Variants in ARHGEF10L observed in about 807,000 individuals in gnomAD.
ARHGEF10L encodes Rho guanine nucleotide exchange factor 10 like.
Under a neutral mutation model 141.2 loss-of-function variants are expected in ARHGEF10L, and 69 were observed. The ratio of observed to expected loss-of-function variants is 0.49; its 90% CI spans 0.40 to 0.60. The LOEUF is 0.60. ARHGEF10L is among the 20% of genes least tolerant of loss of function. The pLI, the probability that ARHGEF10L is intolerant of heterozygous loss-of-function variation, is 0.00. For missense variants in ARHGEF10L, 1,482 were observed against 1,734.3 expected (o/e 0.85, Z 2.58); for synonymous variants, 711 against 718.5 (o/e 0.99, Z 0.17).
intron 4 of ARHGEF10L, among the ~76,000 whole-genome samples, chr1:17,600,173 G>A (rs1557786382): frequency 1.3e-5 from 2 of 152,228 alleles, no homozygotes; most frequent in Admixed American, 6.5e-5. Context: ...ATCCTGTGTG[G>A]TGCTGGGAAG....
At chr1:17,640,676 C>T (rs78414586) in intron 21 of ARHGEF10L, among the ~76,000 whole-genome samples, 5 of 152,270 alleles carry the variant, frequency 3.3e-5, no homozygotes, top group South Asian at 4.2e-4. Flanking sequence ...GATTGCTCAA[C>T]TCTGTGACTA....
chr1:17,526,781 T>G, the ARHGEF10L span, among the ~76,000 whole-genome samples: 9 of 152,118 alleles, frequency 5.9e-5, no homozygotes, highest in African/African-American at 1.9e-4. Flanking sequence ...GGTGTATGCC[T>G]GTAGTCTCAG....
intron 25 of ARHGEF10L, among the ~76,000 whole-genome samples, chr1:17,662,038 G>A (rs1272019823): frequency 6.6e-6 from 1 of 152,234 alleles, no homozygotes; most frequent in Non-Finnish European, 1.5e-5. Flanking sequence ...GTTAAGTGAA[G>A]TCAACACTTG....
rs1268918253 is a variant in ARHGEF10L, at chr1:17,627,854, C to A, written c.1584+351C>A. 6.6e-6 allele frequency among the ~76,000 whole-genome samples: 1 copy of A among 152,172 alleles called. No individual in the cohort carries two copies. Among genetic ancestry groups the A allele is most frequent in the African/African-American group, 2.4e-5 (1 of 41,522 alleles). ...GCTGTGTGCCCTCAAGGGAATCACC[C>A]ACCCTCTCTGAACCTCACTTGCTCC... On this transcript the variant is annotated intron_variant, in intron 15 of 28. Coordinates refer to ENST00000361221, the MANE Select transcript of ARHGEF10L (RefSeq NM_018125.4). This position sits in a 1 kb window ranked among gnomAD's most constrained non-coding sequence, Gnocchi z 4.0.
At chr1:17,517,992 C>T in the ARHGEF10L span, among the ~76,000 whole-genome samples, 1 of 152,142 alleles carries the variant, frequency 6.6e-6, no homozygotes, top group Non-Finnish European at 1.5e-5. Context: ...TCATCTAAGC[C>T]AGGGGTCAGT....
intron 4 of ARHGEF10L, among the ~76,000 whole-genome samples, chr1:17,596,006 C>T (rs2080057700): frequency 6.6e-6 from 1 of 152,224 alleles, no homozygotes; most frequent in Admixed American, 6.5e-5. Flanking sequence ...GTGGCTGAGC[C>T]ACAGTCATAT....
chr1:17,595,720 A>G (rs978819010), intron 4 of ARHGEF10L, among the ~76,000 whole-genome samples: 13 of 151,866 alleles, frequency 8.6e-5, no homozygotes, highest in African/African-American at 3.1e-4. Context: ...CCTGGAGGAG[A>G]GGCGGAGGGA....
rs911520391 is a variant in ARHGEF10L at position 17,697,538 on chromosome 1, T to G, written c.*158T>G. ...GAAAACCTCTTGTTTTAAAAAAATT[T>G]TTTTCAGAGTGTTTTGGGGAGGAGT... is the stretch of plus-strand genomic sequence containing the variant. On this transcript the variant is annotated 3_prime_UTR_variant, in exon 29 of 29. Transcript: ENST00000361221. This position sits in a 1 kb window ranked among gnomAD's most constrained non-coding sequence, Gnocchi z 4.8. The G allele has an allele frequency of 1.9e-6, 2 of 1,037,742 alleles. 1 individual carries two copies. The highest frequency in any genetic ancestry group is 5.5e-5 in the Admixed American group (2 of 36,566). 64.3% of individuals were successfully genotyped at this position (1,037,742 alleles called of 1,614,324 possible).
At chr1:17,614,613 C>G (rs925249314) in intron 8 of ARHGEF10L, among the ~76,000 whole-genome samples, 2 of 152,096 alleles carry the variant, frequency 1.3e-5, no homozygotes, top group Non-Finnish European at 2.9e-5. Context: ...CTCCCACCCC[C>G]CAACAAGAAG....
intron 2 of ARHGEF10L, among the ~76,000 whole-genome samples, chr1:17,584,993 A>G (rs1197723801): frequency 6.6e-6 from 1 of 152,260 alleles, no homozygotes; most frequent in African/African-American, 2.4e-5. Flanking sequence ...CATCTGAAAT[A>G]ATTCAATACC....
intron 26 of ARHGEF10L, among the ~76,000 whole-genome samples, chr1:17,677,757 G>T (rs1437547256): frequency 6.6e-6 from 1 of 152,252 alleles, no homozygotes; most frequent in Non-Finnish European, 1.5e-5. Flanking sequence ...CTTTAAAATG[G>T]AAGAAACCAA....
At chr1:17,626,197 C>G (rs1316547861) in intron 14 of ARHGEF10L, 149 bp downstream of exon 14, 1 of 632,592 alleles carries the variant, frequency 1.6e-6, no homozygotes, top group African/African-American at 1.9e-5. Context: ...TCATCTTTCT[C>G]CACTTCTAGA....
intron 15 of ARHGEF10L, among the ~76,000 whole-genome samples, chr1:17,632,029 G>T (rs2101680732): frequency 6.6e-6 from 1 of 152,224 alleles, no homozygotes; most frequent in East Asian, 1.9e-4. Flanking sequence ...CTACAGAGAG[G>T]GGCTGGCAAT....
In ARHGEF10L at chr1:17,645,941, C is replaced by T. The variant is rs577608143; in HGVS notation, c.2273-2613C>T. On this transcript the variant is annotated intron_variant, in intron 21 of 28. Coordinates refer to ENST00000361221, the MANE Select transcript of ARHGEF10L (RefSeq NM_018125.4). ...TGGCAACGCGCGTGCCCTGTGTGGT[C>T]GTGCCCTTTCCCTGAGGGTCTCTTA... is the stretch of plus-strand genomic sequence containing the variant. Among the ~76,000 whole-genome samples the T allele has an allele frequency of 1.6e-3, 245 of 152,304 alleles. 3 individuals are homozygous for T. Among genetic ancestry groups the T allele is most frequent in the Non-Finnish European group, 1.3e-3 (89 of 68,030 alleles).
At chr1:17,577,136 C>G (rs2078255499) in intron 1 of ARHGEF10L, among the ~76,000 whole-genome samples, 1 of 152,210 alleles carries the variant, frequency 6.6e-6, no homozygotes, top group Non-Finnish European at 1.5e-5. Context: ...CATCCACCTC[C>G]CAGGTTCAAG....
At chr1:17,688,454 CG>C (rs2064801564) in intron 27 of ARHGEF10L, among the ~76,000 whole-genome samples, 1 of 152,232 alleles carries the variant, frequency 6.6e-6, no homozygotes, top group African/African-American at 2.4e-5. Context: ...GAGCAGACCA[CG>C]GGGCCAGCAG....
intron 1 of ARHGEF10L, among the ~76,000 whole-genome samples, chr1:17,553,971 C>T (rs1243412695): frequency 6.6e-6 from 1 of 152,140 alleles, no homozygotes; most frequent in Non-Finnish European, 1.5e-5. Flanking sequence ...GTTTAGCTAA[C>T]TTTCCCAAGG....
At position 17,621,923 on chromosome 1, in the gene ARHGEF10L, T is replaced by A; in HGVS notation, c.1002T>A (p.Ser334=). Residue 334 remains serine (S), a synonymous_variant, in exon 11 of 29, where the codon TCT becomes TCA. Transcript: ENST00000361221. The surrounding 1 kb of genome is among the most constrained non-coding windows in gnomAD (Gnocchi z 4.1). ...IVQSEGSYVE[S]LKRILQDYRN... Reference sequence around the variant, plus strand: ...AGAGCGAAGGCAGCTACGTGGAGTCTCTGAAGCGGATACTCCAGGTGCGAC... The same window carrying A: ...AGAGCGAAGGCAGCTACGTGGAGTCACTGAAGCGGATACTCCAGGTGCGAC... 1 of 1,614,178 alleles carries A rather than the reference T, an allele frequency of 6.2e-7. No individual in the cohort carries two copies. Among genetic ancestry groups the A allele is most frequent in the Non-Finnish European group, 8.5e-7 (1 of 1,180,028 alleles).
At chr1:17,667,784 G>C (rs1172230654) in intron 26 of ARHGEF10L, among the ~76,000 whole-genome samples, 1 of 152,166 alleles carries the variant, frequency 6.6e-6, no homozygotes, top group Admixed American at 6.5e-5. Context: ...GGCCTGTGGG[G>C]CTCCTCCCAG....
Sources: allele counts gnomAD v4.1 joint callset (sites outside exome capture counted in the v4.1 genomes callset), GRCh38; gene constraint gnomAD v4.1.1; non-coding constraint Gnocchi (gnomAD v3.1); transcripts MANE v1.5; gene names NCBI Gene and HGNC (gene_info 2026-07-23, HGNC 2026-07-21).